ZNF546: variants seen among roughly 807,000 people sequenced by gnomAD.
The protein encoded by ZNF546 is zinc finger protein 546.
ZNF546 carries 60 observed loss-of-function variants against 76.2 expected under a neutral mutation model. That is an observed-to-expected ratio of 0.79 (90% CI 0.64 to 0.98). The LOEUF (loss-of-function observed/expected upper bound fraction) is 0.98, where lower values mean the gene tolerates loss of function less well. Among genes scored for constraint, ZNF546 ranks in the 50% least tolerant of loss-of-function variants. The pLI is 0.00. For synonymous variants in ZNF546, 277 were observed against 328.1 expected, an observed-to-expected ratio of 0.84 and a Z score of 1.68; for missense variants, 936 against 1,035.6, an observed-to-expected ratio of 0.90 and a Z score of 1.32.
chr19:40,010,765 C>G (rs1971660713), intron 6 of ZNF546, among the ~76,000 whole-genome samples: 1 of 152,112 alleles, frequency 6.6e-6, no homozygotes, highest in African/African-American at 2.4e-5. Context: ...TCACTGCAAC[C>G]TCCGCCTCCT....
intron 3 of ZNF546, among the ~76,000 whole-genome samples, chr19:40,003,578 A>C (rs1240787955): frequency 6.6e-6 from 1 of 152,234 alleles, no homozygotes; most frequent in Non-Finnish European, 1.5e-5. Context: ...TCAGGAGTAC[A>C]TGAAAAGCCA....
At chr19:39,997,194 GA>G (rs1971464525) in intron 1 of ZNF546, 37 bp downstream of exon 1, 1 of 152,416 alleles carries the variant, frequency 6.6e-6, no homozygotes, top group Non-Finnish European at 1.5e-5. Flanking sequence ...TAGGACTGGG[GA>G]TAGAACTGCC....
At chr19:40,003,872 C>T (rs994806403) in intron 3 of ZNF546, among the ~76,000 whole-genome samples, 4 of 151,406 alleles carry the variant, frequency 2.6e-5, no homozygotes, top group Non-Finnish European at 5.9e-5. Flanking sequence ...ATTAGCCGGG[C>T]GCAGTGGTGG....
rs1262392308 is a variant in ZNF546 at position 40,016,496 on chromosome 19, G to A, written c.*715G>A. The A allele has an allele frequency of 6.6e-6, 1 of 151,938 alleles. No individual in the cohort carries two copies. Among genetic ancestry groups the A allele is most frequent in the Admixed American group, 6.6e-5 (1 of 15,228 alleles). The allele number at this position is 151,938 out of a possible 1,614,324, so 9.4% of individuals were successfully genotyped here. ...GATCGCACCACTGCACTCTAGCTTG[G>A]GCAACAGAGCAAGACTCTGTCTCTT... is the stretch of plus-strand genomic sequence containing the variant. On this transcript the variant is annotated 3_prime_UTR_variant, in exon 7 of 7. Coordinates refer to ENST00000347077, the MANE Select transcript of ZNF546 (RefSeq NM_178544.5).
chr19:40,004,521 G>A (rs78353175), intron 3 of ZNF546, among the ~76,000 whole-genome samples: 2,368 of 152,132 alleles, frequency 0.016, 37 homozygotes, highest in East Asian at 0.05. Context: ...CAGCCACCTC[G>A]GCCTCCCAGC....
At chr19:39,998,059 C>G in intron 2 of ZNF546, 144 bp downstream of exon 2, 1 of 473,762 alleles carries the variant, frequency 2.1e-6, no homozygotes, top group Non-Finnish European at 3.8e-6. Context: ...CCTGTCACCT[C>G]ATTGCTCACA....
rs1460693566 is a variant in ZNF546 at position 40,014,820 on chromosome 19, G to T, written c.1550G>T (p.Arg517Ile). 1 of 1,613,686 alleles carries T rather than the reference G, an allele frequency of 6.2e-7. No homozygotes were observed. Among genetic ancestry groups the T allele is most frequent in the Non-Finnish European group, 8.5e-7 (1 of 1,180,006 alleles). The change falls in exon 7 of 7, where the codon AGA (arginine) becomes ATA (isoleucine). Residue 517 changes from arginine (R) to isoleucine (I), a missense_variant. Transcript: ENST00000347077. ...CGCTATCATCTCACTCAACACTACAGAATTCATACTGGTGAGAAACCCTAC... is the reference window on the plus strand; with the variant it reads ...CGCTATCATCTCACTCAACACTACATAATTCATACTGGTGAGAAACCCTAC... ...SSRYHLTQHY[R>I]IHTGEKPYIC...
At chr19:40,008,370 C>T (rs1380218484) in intron 5 of ZNF546, 100 bp from the exon 6 acceptor site, 1 of 792,230 alleles carries the variant, frequency 1.3e-6, no homozygotes, top group Non-Finnish European at 2.0e-6. Flanking sequence ...TTTTCACCTG[C>T]AGTTTCTTAC....
At chr19:40,009,487 T>C (rs1243991638) in intron 6 of ZNF546, among the ~76,000 whole-genome samples, 1 of 152,218 alleles carries the variant, frequency 6.6e-6, no homozygotes, top group Non-Finnish European at 1.5e-5. Context: ...TCAATTTTTA[T>C]AACATTTTAA....
Position 40,008,502 on chromosome 19 carries a change from T to A in ZNF546, c.331T>A (p.Leu111Ile). Residue 111 changes from leucine (L) to isoleucine (I), a missense_variant, in exon 6 of 7, where the codon TTA becomes ATA. By Grantham distance (5) the Leu-to-Ile change is conservative. Coordinates refer to ENST00000347077, the MANE Select transcript of ZNF546 (RefSeq NM_178544.5). ...YTIPKPDVITLLEQEKEPWIV... is the reference protein window; with the variant it reads ...YTIPKPDVITILEQEKEPWIV... ...CATTCCTAAGCCAGATGTGATTACT[T>A]TATTGGAGCAAGAGAAAGAGCCCTG... The A allele has an allele frequency of 6.2e-7, 1 of 1,612,488 alleles. No homozygotes were observed.
Position 40,008,571 on chromosome 19 carries a change from T to C in ZNF546, c.394+6T>C. ...GACAAGGAATTGGTTCACAGGTGAGTGACAGCAAATTAGGCGGGAGGGTGC... is the reference window on the plus strand; with the variant it reads ...GACAAGGAATTGGTTCACAGGTGAGCGACAGCAAATTAGGCGGGAGGGTGC... On this transcript the variant is annotated splice_donor_region_variant and intron_variant, in intron 6 of 6. Coordinates refer to ENST00000347077, the MANE Select transcript of ZNF546 (RefSeq NM_178544.5). 1 of 1,609,360 alleles carries C rather than the reference T, an allele frequency of 6.2e-7. No homozygotes were observed. Among genetic ancestry groups the C allele is most frequent in the Non-Finnish European group, 8.5e-7 (1 of 1,176,256 alleles).
At chr19:40,000,771 C>G (rs968603571) in intron 3 of ZNF546, among the ~76,000 whole-genome samples, 1 of 151,972 alleles carries the variant, frequency 6.6e-6, no homozygotes, top group Admixed American at 6.6e-5. Flanking sequence ...AGTTCCCAAC[C>G]TTTTTGGCAC....
At chr19:40,009,528 A>G (rs1324712548) in intron 6 of ZNF546, among the ~76,000 whole-genome samples, 1 of 152,254 alleles carries the variant, frequency 6.6e-6, no homozygotes, top group Non-Finnish European at 1.5e-5. Context: ...ATTAGCATAC[A>G]ATAAACTGCA....
chr19:40,017,697 A>G lies in ZNF546; in HGVS notation c.*1916A>G, dbSNP rs1321446422. 6.6e-6 allele frequency: 1 copy of G among 152,134 alleles called. No homozygotes were observed. The highest frequency in any genetic ancestry group is 1.5e-5 in the Non-Finnish European group (1 of 68,038). 9.4% of individuals were successfully genotyped at this position (152,134 alleles called of 1,614,324 possible). A position where few individuals can be genotyped will look rare whatever the true frequency, so the allele number is the denominator to read the frequency against. On this transcript the variant is annotated 3_prime_UTR_variant, in exon 7 of 7. Transcript: ENST00000347077. The stretch of plus-strand genomic sequence containing the variant: ...GCACATTTTATGTGTAGCCCAAGAT[A>G]ATTCTTCTTCCAGTGTAACCCAGGG...
In ZNF546 at chr19:40,020,422, A is replaced by T. The variant is rs1971839924; in HGVS notation, c.*4641A>T. On this transcript the variant is annotated 3_prime_UTR_variant, in exon 7 of 7. Transcript: ENST00000347077. ...GTAACAAAAAGCAGAGTATTTTGAG[A>T]CGTATATTAATGCAAAATATTGTTA... 6.6e-6 allele frequency: 1 copy of T among 152,198 alleles called. No individual in the cohort carries two copies. Among genetic ancestry groups the T allele is most frequent in the African/African-American group, 2.4e-5 (1 of 41,460 alleles). The allele number at this position is 152,198 out of a possible 1,614,324, so 9.4% of individuals were successfully genotyped here. A position where few individuals can be genotyped will look rare whatever the true frequency, so the allele number is the denominator to read the frequency against.
At chr19:40,006,797 T>C (rs1198222089) in intron 4 of ZNF546, among the ~76,000 whole-genome samples, 5 of 152,248 alleles carry the variant, frequency 3.3e-5, no homozygotes, top group African/African-American at 1.2e-4. Flanking sequence ...TAGTCTGCTG[T>C]ATCTTTAAGA....
intron 3 of ZNF546, among the ~76,000 whole-genome samples, chr19:39,999,246 A>G (rs116634922): frequency 2.0e-3 from 306 of 152,344 alleles, no homozygotes; most frequent in African/African-American, 7.1e-3. Context: ...GACACTGTTC[A>G]CCTGGCTTGT....
At chr19:40,000,448 C>T (rs1184371190) in intron 3 of ZNF546, among the ~76,000 whole-genome samples, 1 of 151,762 alleles carries the variant, frequency 6.6e-6, no homozygotes, top group Non-Finnish European at 1.5e-5. Flanking sequence ...GATGGTGGAA[C>T]CCCATCTCTA....
chr19:40,005,009 C>CTTTTTATTTTTT (rs1971585840), intron 3 of ZNF546, among the ~76,000 whole-genome samples: 1 of 86,842 alleles, frequency 1.2e-5, no homozygotes. Flanking sequence ...CTGCATGCAT[C>CTTTTTATTTTTT]TTTTTTTTTT....
Sources: allele counts gnomAD v4.1 joint callset (sites outside exome capture counted in the v4.1 genomes callset), GRCh38; gene constraint gnomAD v4.1.1; transcripts MANE v1.5; gene names NCBI Gene and HGNC (gene_info 2026-07-23, HGNC 2026-07-21).